Variants in TEX22 observed in about 807,000 individuals in gnomAD.
TEX22 encodes testis expressed 22.
Under a neutral mutation model 11.3 loss-of-function variants are expected in TEX22, and 16 were observed. The observed-to-expected ratio is 1.42, with a 90% CI of 0.96 to 2.15. The LOEUF (loss-of-function observed/expected upper bound fraction) is 2.15. Among genes scored for constraint, TEX22 ranks in the 30% most tolerant of loss-of-function variants. TEX22 has a pLI of 0.00. For missense variants in TEX22, 220 were observed against 208.6 expected, an observed-to-expected ratio of 1.05 and a Z score of -0.34; for synonymous variants, 97 against 92.3, an observed-to-expected ratio of 1.05 and a Z score of -0.29.
At chr14:105,404,791 TGAA>T (rs2081650446) in intron 2 of TEX22, among the ~76,000 whole-genome samples, 1 of 152,168 alleles carries the variant, frequency 6.6e-6, no homozygotes, top group African/African-American at 2.4e-5. Context: ...ACCTCAGTTC[TGAA>T]GAAATGATCT....
chr14:105,409,163 C>T (rs1234955798), intron 2 of TEX22, among the ~76,000 whole-genome samples: 6 of 151,864 alleles, frequency 4.0e-5, no homozygotes, highest in Non-Finnish European at 7.4e-5. Flanking sequence ...AGTAGCCTTC[C>T]CCACTCCCTC....
chr14:105,400,595 GAC>G (rs1555418244), intron 2 of TEX22, among the ~76,000 whole-genome samples: 1 of 152,114 alleles, frequency 6.6e-6, no homozygotes, highest in African/African-American at 2.4e-5. Flanking sequence ...ATCCAGCAAG[GAC>G]ACAGGGACCC....
chr14:105,402,543 T>TCA (rs2081634664), intron 2 of TEX22, among the ~76,000 whole-genome samples: 1 of 150,772 alleles, frequency 6.6e-6, no homozygotes, highest in Non-Finnish European at 1.5e-5. Flanking sequence ...TCACAAGGTC[T>TCA]GGAGATCAAG....
Position 105,411,411 on chromosome 14 carries a change from G to C in TEX22, c.194G>C (p.Ser65Thr). Reference protein sequence around the residue: ...PERRRPGRRWSVSIDERRRLA... With the variant: ...PERRRPGRRWTVSIDERRRLA... ...CGCAGGCGCCCGGGCCGCCGCTGGA[G>C]CGTCAGCATCGACGAGCGCCGGCGG... is the stretch of plus-strand genomic sequence containing the variant. The change falls in exon 3 of 4, where the codon AGC becomes ACC. Residue 65 changes from serine (S) to threonine (T), a missense_variant. Ser to Thr is a moderately conservative substitution (Grantham distance 58, BLOSUM62 1). Coordinates refer to ENST00000451127, the MANE Select transcript of TEX22 (RefSeq NM_001195082.2). 7.8e-7 allele frequency: 1 copy of C among 1,276,900 alleles called. No homozygotes were observed. Among genetic ancestry groups the C allele is most frequent in the South Asian group, 2.7e-5 (1 of 37,298 alleles). 79.1% of individuals were successfully genotyped at this position (1,276,900 alleles called of 1,614,324 possible).
At chr14:105,399,012 T>TGGC (rs782107111) in intron 1 of TEX22, among the ~76,000 whole-genome samples, 1 of 152,230 alleles carries the variant, frequency 6.6e-6, no homozygotes, top group South Asian at 2.1e-4. Flanking sequence ...TTGAGAAGGC[T>TGGC]GGCAGAGGCG....
At chr14:105,402,089 G>A (rs587597623) in intron 2 of TEX22, among the ~76,000 whole-genome samples, 2 of 152,284 alleles carry the variant, frequency 1.3e-5, no homozygotes, top group East Asian at 3.9e-4. Context: ...GGGAGGCTGA[G>A]GCAGGAGAAT....
chr14:105,411,470 G>A lies in TEX22; in HGVS notation c.253G>A (p.Ala85Thr), dbSNP rs2081690464. The A allele has an allele frequency of 1.6e-6, 2 of 1,232,602 alleles. No individual in the cohort carries two copies. The highest frequency in any genetic ancestry group is 2.0e-6 in the Non-Finnish European group (2 of 989,720). 76.4% of individuals were successfully genotyped at this position (1,232,602 alleles called of 1,614,324 possible). Residue 85 changes from alanine (A) to threonine (T), a missense_variant, in exon 3 of 4, where the codon GCC (alanine) becomes ACC (threonine). Physicochemically the swap from Ala to Thr is moderately conservative, Grantham distance 58. Coordinates refer to ENST00000451127, the MANE Select transcript of TEX22 (RefSeq NM_001195082.2). ...ATLGGRERPG[A>T]AGTQLHCRDV... Reference sequence around the variant, plus strand: ...GCTGGGCGGCCGGGAGAGGCCGGGCGCCGCCGGGACCCAGCTGCACTGCAG... The same window carrying A: ...GCTGGGCGGCCGGGAGAGGCCGGGCACCGCCGGGACCCAGCTGCACTGCAG...
intron 2 of TEX22, among the ~76,000 whole-genome samples, 164 bp downstream of exon 2, chr14:105,399,654 A>G (rs1456345835): frequency 2.6e-5 from 4 of 152,206 alleles, no homozygotes; most frequent in Non-Finnish European, 4.4e-5. Context: ...TCTCTTCCCC[A>G]TGGCCCTGGA....
intron 2 of TEX22, among the ~76,000 whole-genome samples, chr14:105,405,399 G>A (rs1409926177): frequency 2.6e-5 from 4 of 152,154 alleles, no homozygotes; most frequent in Non-Finnish European, 4.4e-5. Flanking sequence ...AGATAGAATC[G>A]CCGGTACGTC....
In TEX22 at chr14:105,411,438, T is replaced by G; in HGVS notation, c.221T>G (p.Leu74Arg). 8.1e-7 allele frequency: 1 copy of G among 1,241,520 alleles called. No homozygotes were observed. The highest frequency in any genetic ancestry group is 1.0e-6 in the Non-Finnish European group (1 of 997,112). 76.9% of individuals were successfully genotyped at this position (1,241,520 alleles called of 1,614,324 possible). Reference sequence around the variant, plus strand: ...GTCAGCATCGACGAGCGCCGGCGGCTGGCCACGCTGGGCGGCCGGGAGAGG... The same window carrying G: ...GTCAGCATCGACGAGCGCCGGCGGCGGGCCACGCTGGGCGGCCGGGAGAGG... ...WSVSIDERRR[L>R]ATLGGRERPG... Residue 74 changes from leucine to arginine, a missense_variant, in exon 3 of 4, where the codon CTG becomes CGG. Leu to Arg is a moderately radical substitution (Grantham distance 102). Coordinates refer to ENST00000451127, the MANE Select transcript of TEX22 (RefSeq NM_001195082.2).
Position 105,411,476 on chromosome 14 carries a change from G to A in TEX22, c.259G>A (p.Gly87Arg). 8 of 1,234,032 alleles carry A rather than the reference G, an allele frequency of 6.5e-6. No homozygotes were observed. The highest frequency in any genetic ancestry group is 7.1e-6 in the Non-Finnish European group (7 of 990,724). 76.4% of individuals were successfully genotyped at this position (1,234,032 alleles called of 1,614,324 possible). ...CGGCCGGGAGAGGCCGGGCGCCGCCGGGACCCAGCTGCACTGCAGGGTGCG... is the reference window on the plus strand; with the variant it reads ...CGGCCGGGAGAGGCCGGGCGCCGCCAGGACCCAGCTGCACTGCAGGGTGCG... The part of the protein sequence containing the change: ...LGGRERPGAA[G>R]TQLHCRDVVQ... Residue 87 changes from glycine (G) to arginine (R), a missense_variant, in exon 3 of 4, where the codon GGG (glycine) becomes AGG (arginine). Gly to Arg is a moderately radical substitution (Grantham distance 125). Coordinates refer to ENST00000451127, the MANE Select transcript of TEX22 (RefSeq NM_001195082.2).
intron 2 of TEX22, among the ~76,000 whole-genome samples, chr14:105,405,479 AAAC>A (rs2081654090): frequency 6.6e-6 from 1 of 152,236 alleles, no homozygotes; most frequent in African/African-American, 2.4e-5. Flanking sequence ...AGTGGGTTGA[AAAC>A]AACCAAATTC....
chr14:105,407,989 G>A (rs2141360807), intron 2 of TEX22, among the ~76,000 whole-genome samples: 1 of 152,286 alleles, frequency 6.6e-6, no homozygotes, highest in East Asian at 1.9e-4. Flanking sequence ...CAATTCATGT[G>A]CATGTTGAGC....
chr14:105,411,699 G>T lies in TEX22; in HGVS notation c.319G>T (p.Val107Leu). 1.3e-6 allele frequency: 2 copies of T among 1,531,416 alleles called. No homozygotes were observed. Among genetic ancestry groups the T allele is most frequent in the Non-Finnish European group, 1.7e-6 (2 of 1,144,498 alleles). The allele number at this position is 1,531,416 out of a possible 1,614,324, so 94.9% of individuals were successfully genotyped here. A position where few individuals can be genotyped will look rare whatever the true frequency, so the allele number is the denominator to read the frequency against. The change falls in exon 4 of 4, where the codon GTG becomes TTG. Residue 107 changes from valine to leucine, a missense_variant. Coordinates refer to ENST00000451127, the MANE Select transcript of TEX22 (RefSeq NM_001195082.2). ...GGTAGCCCAGCTGGTGTCGGAGGAC[G>T]TGGACAAGGACGTGCTCCTTCCCCA... ...QMVAQLVSED[V>L]DKDVLLPHPL...
At chr14:105,406,744 T>C (rs1566985463) in intron 2 of TEX22, among the ~76,000 whole-genome samples, 2 of 151,776 alleles carry the variant, frequency 1.3e-5, no homozygotes, top group Non-Finnish European at 2.9e-5. Flanking sequence ...GGTGGATCTA[T>C]GTGGAGTTGG....
chr14:105,402,624 C>T (rs192060429), intron 2 of TEX22, among the ~76,000 whole-genome samples: 2,138 of 151,762 alleles, frequency 0.014, 23 homozygotes, highest in Non-Finnish European at 0.021. Flanking sequence ...GGCGTGGTGG[C>T]GGGCGCCTGT....
chr14:105,411,097 C>CT (rs2081687133), intron 2 of TEX22, among the ~76,000 whole-genome samples: 1 of 152,208 alleles, frequency 6.6e-6, no homozygotes, highest in South Asian at 2.1e-4. Flanking sequence ...GCCGTGAGGA[C>CT]TAAGCGGTCC....
chr14:105,411,563 C>T, intron 3 of TEX22, 67 bp downstream of exon 3: 13 of 1,231,858 alleles, frequency 1.1e-5, no homozygotes, highest in Non-Finnish European at 1.3e-5. Flanking sequence ...TCGCCTCCCT[C>T]GACTCAGTCC....
intron 2 of TEX22, among the ~76,000 whole-genome samples, chr14:105,405,960 A>C (rs2081656648): frequency 6.6e-6 from 1 of 152,236 alleles, no homozygotes; most frequent in African/African-American, 2.4e-5. Context: ...CTGCCTGGAC[A>C]AGTAACCCGG....
Sources: allele counts gnomAD v4.1 joint callset (sites outside exome capture counted in the v4.1 genomes callset), GRCh38; gene constraint gnomAD v4.1.1; transcripts MANE v1.5; gene names NCBI Gene and HGNC (gene_info 2026-07-23, HGNC 2026-07-21).